Variants in CTNND2 observed in about 807,000 individuals in gnomAD.
CTNND2 encodes catenin delta-2.
A neutral mutation model predicts 144.4 loss-of-function variants in CTNND2; 22 were observed. That is an observed-to-expected ratio of 0.15 (90% confidence interval 0.11 to 0.22). CTNND2 has a LOEUF of 0.22. Ranked by LOEUF, CTNND2 falls within the 10% of genes least tolerant of loss-of-function variation. The probability of loss-of-function intolerance (pLI) is 1.00; values close to 1 mark genes in which losing one functional copy is unlikely to be tolerated. For synonymous variants in CTNND2, 751 were observed against 695.6 expected, an observed-to-expected ratio of 1.08 and a Z score of -1.25; for missense variants, 1,353 against 1,618.8, an observed-to-expected ratio of 0.84 and a Z score of 2.82.
At chr5:11,879,228 G>A (rs1252063351) in intron 1 of CTNND2, among the ~76,000 whole-genome samples, 1 of 151,696 alleles carries the variant, frequency 6.6e-6, no homozygotes, top group Non-Finnish European at 1.5e-5. Context: ...GGCTACGGGA[G>A]ACAGAGGGAG....
intron 1 of CTNND2, among the ~76,000 whole-genome samples, chr5:11,769,891 C>A (rs1789820004): frequency 6.6e-6 from 1 of 152,182 alleles, no homozygotes; most frequent in Admixed American, 6.5e-5. Flanking sequence ...TTTCTCCAGG[C>A]AGATGTATCA....
At chr5:11,544,538 G>A (rs1775042987) in intron 3 of CTNND2, among the ~76,000 whole-genome samples, 1 of 152,216 alleles carries the variant, frequency 6.6e-6, no homozygotes, top group South Asian at 2.1e-4. Context: ...CAATTCAAAT[G>A]TGCATCAACT....
chr5:11,497,733 A>G (rs1770111218), intron 3 of CTNND2, among the ~76,000 whole-genome samples: 1 of 152,122 alleles, frequency 6.6e-6, no homozygotes, highest in South Asian at 2.1e-4. Flanking sequence ...AATTACTCAT[A>G]AATTGGGCAA....
intron 10 of CTNND2, among the ~76,000 whole-genome samples, chr5:11,233,082 T>A (rs1004986226): frequency 2.6e-5 from 4 of 152,136 alleles, no homozygotes; most frequent in African/African-American, 9.7e-5. Context: ...TGCAGAACCG[T>A]GAGTCCATTA....
intron 11 of CTNND2, among the ~76,000 whole-genome samples, chr5:11,174,679 C>T (rs938611656): frequency 2.6e-5 from 4 of 152,112 alleles, no homozygotes; most frequent in Non-Finnish European, 5.9e-5. Context: ...ATCATTATGG[C>T]ACGTATTCAG....
At chr5:11,418,198 G>T (rs1383896696) in intron 3 of CTNND2, among the ~76,000 whole-genome samples, 1 of 152,000 alleles carries the variant, frequency 6.6e-6, no homozygotes, top group African/African-American at 2.4e-5. Flanking sequence ...CCTGAGGTTG[G>T]GAGTTCGAGG....
At chr5:11,320,581 G>A (rs1444081061) in intron 9 of CTNND2, among the ~76,000 whole-genome samples, 1 of 152,156 alleles carries the variant, frequency 6.6e-6, no homozygotes, top group Admixed American at 6.5e-5. Context: ...GGCTGGGTGG[G>A]GGCCTCACAA....
chr5:11,885,137 T>A (rs1328444660), intron 1 of CTNND2, among the ~76,000 whole-genome samples: 1 of 152,154 alleles, frequency 6.6e-6, no homozygotes, highest in African/African-American at 2.4e-5. Flanking sequence ...TTGTTGCTGT[T>A]TCCTTGTCTG....
In CTNND2 at chr5:11,044,530, CAAA is replaced by C. The variant is rs59308721; in HGVS notation, c.2789-21554_2789-21552del. 3.6e-5 allele frequency among the ~76,000 whole-genome samples: 5 copies of C among 138,116 alleles called. No individual in the cohort carries two copies. The Middle Eastern group carries it at 0.011, about 314-fold the overall frequency. 90.6% of individuals were successfully genotyped at this position (138,116 alleles called of 152,430 possible). ...AGTGAGTAGAAACAACACATGCTTG[CAAA>C]AAAAAAAAATACATATATATATATA... On this transcript the variant is annotated intron_variant, in intron 16 of 21. Coordinates refer to ENST00000304623, the MANE Select transcript of CTNND2 (RefSeq NM_001332.4).
chr5:11,117,023 C>T (rs2149693933), intron 13 of CTNND2, among the ~76,000 whole-genome samples: 1 of 151,884 alleles, frequency 6.6e-6, no homozygotes, highest in South Asian at 2.1e-4. Flanking sequence ...TGCACCACTG[C>T]ACTCCTGGGT....
intron 3 of CTNND2, among the ~76,000 whole-genome samples, chr5:11,544,616 C>A (rs1165486166): frequency 6.6e-6 from 1 of 152,198 alleles, no homozygotes; most frequent in Non-Finnish European, 1.5e-5. Context: ...AAGGAATGAA[C>A]TATTGATATG....
intron 10 of CTNND2, among the ~76,000 whole-genome samples, chr5:11,201,534 T>C (rs1476668431): frequency 6.6e-6 from 1 of 152,160 alleles, no homozygotes; most frequent in Non-Finnish European, 1.5e-5. Context: ...ATTCCGAATA[T>C]GCCTACGGGA....
intron 7 of CTNND2, among the ~76,000 whole-genome samples, chr5:11,368,271 A>G (rs999810284): frequency 1.8e-4 from 27 of 152,204 alleles, no homozygotes; most frequent in African/African-American, 6.0e-4. Flanking sequence ...CATTTGCTGT[A>G]TAAGAACTAC....
At chr5:11,380,677 T>C (rs1219433421) in intron 7 of CTNND2, among the ~76,000 whole-genome samples, 1 of 152,202 alleles carries the variant, frequency 6.6e-6, no homozygotes, top group Non-Finnish European at 1.5e-5. Flanking sequence ...ATCTGAATTG[T>C]AGTGTTTTCC....
At chr5:11,740,189 C>CT (rs1787922046) in intron 1 of CTNND2, among the ~76,000 whole-genome samples, 1 of 152,304 alleles carries the variant, frequency 6.6e-6, no homozygotes, top group East Asian at 1.9e-4. Context: ...GAAAAAACTA[C>CT]TTTAAAGTTC....
chr5:11,656,228 C>G (rs1782905928), intron 2 of CTNND2, among the ~76,000 whole-genome samples: 1 of 151,846 alleles, frequency 6.6e-6, no homozygotes, highest in African/African-American at 2.4e-5. Context: ...TATACGTTAC[C>G]TAGAAATACA....
In CTNND2 at chr5:11,220,077, T is replaced by G. The variant is rs141369389; in HGVS notation, c.1761+16614A>C. 9.7e-4 allele frequency among the ~76,000 whole-genome samples: 147 copies of G among 152,276 alleles called. 4 individuals are homozygous for G. In the East Asian group the frequency reaches 0.026, roughly 27 times the overall value. ...CTATTTTATCATTTGTAAACGATAT[T>G]ATTATTAGTGTCTTCACAACATGAG... On this transcript the variant is annotated intron_variant, in intron 10 of 21. Transcript: ENST00000304623.
At chr5:11,560,903 C>T (rs148828190) in intron 3 of CTNND2, among the ~76,000 whole-genome samples, 5 of 152,312 alleles carry the variant, frequency 3.3e-5, no homozygotes, top group African/African-American at 7.2e-5. Context: ...ATCTAACTCA[C>T]GCCGTGTAGA....
In CTNND2 at chr5:11,082,787, C is replaced by T. The variant is rs770763627; in HGVS notation, c.2697G>A (p.Glu899=). The part of the protein sequence containing the change: ...RKEKGLPILV[E]LLRIDNDRVV... ...CACGGTCATTGTCTATTCGGAGCAG[C>T]TCCACGAGGATGGGCAGGCCTTTCT... Residue 899 remains glutamate, a synonymous_variant, in exon 16 of 22, where the codon GAG becomes GAA. Transcript: ENST00000304623. 3 of 1,614,228 alleles carry T rather than the reference C, an allele frequency of 1.9e-6. No individual in the cohort carries two copies. Among genetic ancestry groups the T allele is most frequent in the Non-Finnish European group, 2.5e-6 (3 of 1,180,046 alleles).
Sources: allele counts gnomAD v4.1 joint callset (sites outside exome capture counted in the v4.1 genomes callset), GRCh38; gene constraint gnomAD v4.1.1; transcripts MANE v1.5; gene names NCBI Gene and HGNC (gene_info 2026-07-23, HGNC 2026-07-21).